Variants in ZFC3H1 observed in about 807,000 individuals in gnomAD.
The protein encoded by ZFC3H1 is zinc finger C3H1-type containing, also known as zinc finger C3H1 domain-containing protein.
In ZFC3H1, 71 loss-of-function variants were observed where a neutral mutation model predicts 243.7. That is an observed-to-expected ratio of 0.29 (90% CI 0.24 to 0.36). ZFC3H1 has a LOEUF of 0.36. Among genes scored for constraint, ZFC3H1 ranks in the 10% least tolerant of loss-of-function variants. The pLI is 1.00. For missense variants in ZFC3H1, 1,966 were observed against 2,317.1 expected (o/e 0.85, Z 3.11); for synonymous variants, 838 against 813.0 (o/e 1.03, Z -0.52).
rs1002647609 is a variant in ZFC3H1 at position 71,663,770 on chromosome 12, C to A, written c.-160G>T. On this transcript the variant is annotated 5_prime_UTR_variant, in exon 1 of 35. Coordinates refer to ENST00000378743, the MANE Select transcript of ZFC3H1 (RefSeq NM_144982.5). ...TCCCCAACTTCCCCGCACCCCAGCA[C>A]CCCAGCTCTCTCTCGCCGGACCGTC... 1 of 777,564 alleles carries A rather than the reference C, an allele frequency of 1.3e-6. No individual in the cohort carries two copies. Among genetic ancestry groups the A allele is most frequent in the Non-Finnish European group, 2.0e-6 (1 of 493,446 alleles). The allele number at this position is 777,564 out of a possible 1,614,324, so 48.2% of individuals were successfully genotyped here.
chr12:71,618,278 T>TA (rs35402725), intron 27 of ZFC3H1, among the ~76,000 whole-genome samples: 7,837 of 136,602 alleles, frequency 0.057, 215 homozygotes, highest in Non-Finnish European at 0.062. Flanking sequence ...AAAATAAAAT[T>TA]AAAAAAAAAA....
At position 71,637,064 on chromosome 12, in the gene ZFC3H1, T is replaced by C; in HGVS notation, c.1726-5A>G. 1 of 1,598,824 alleles carries C rather than the reference T, an allele frequency of 6.3e-7. No individual in the cohort carries two copies. Among genetic ancestry groups the C allele is most frequent in the Non-Finnish European group, 8.5e-7 (1 of 1,175,716 alleles). On this transcript the variant is annotated splice_region_variant and splice_polypyrimidine_tract_variant and intron_variant, in intron 7 of 34. Coordinates refer to ENST00000378743, the MANE Select transcript of ZFC3H1 (RefSeq NM_144982.5). ...CTGGCTCAAAGGTGGCAGAGACTAT[T>C]TTTTAAAAAAAGAAAGAATTACAAC... is the stretch of plus-strand genomic sequence containing the variant.
At chr12:71,621,302 CCTTTT>C (rs1880020006) in intron 24 of ZFC3H1, among the ~76,000 whole-genome samples, 1 of 129,022 alleles carries the variant, frequency 7.8e-6, no homozygotes, top group African/African-American at 2.6e-5. Flanking sequence ...AGGTCCACTT[CCTTTT>C]CTTTTTTTTT....
At chr12:71,654,482 C>T (rs1035300107) in intron 2 of ZFC3H1, among the ~76,000 whole-genome samples, 2 of 152,010 alleles carry the variant, frequency 1.3e-5, no homozygotes, top group Non-Finnish European at 2.9e-5. Context: ...ATATATAATT[C>T]CAGACATGAT....
chr12:71,663,842 G>A lies in ZFC3H1; in HGVS notation c.-232C>T, dbSNP rs1489818114. ...GCGCCCCCTTGCTCCTCAGCGATCG[G>A]GGTTCTTCCGCCTCGCGAGAAAGGG... is the stretch of plus-strand genomic sequence containing the variant. On this transcript the variant is annotated 5_prime_UTR_variant, in exon 1 of 35. Transcript: ENST00000378743. The A allele has an allele frequency of 1.4e-5, 8 of 567,602 alleles. No homozygotes were observed. Among genetic ancestry groups the A allele is most frequent in the South Asian group, 2.4e-5 (1 of 42,492 alleles). 35.2% of individuals were successfully genotyped at this position (567,602 alleles called of 1,614,324 possible). A position where few individuals can be genotyped will look rare whatever the true frequency, so the allele number is the denominator to read the frequency against.
At chr12:71,660,830 C>A (rs564804632) in intron 1 of ZFC3H1, among the ~76,000 whole-genome samples, 2 of 152,080 alleles carry the variant, frequency 1.3e-5, no homozygotes, top group South Asian at 4.1e-4. Flanking sequence ...TTAAAAAACA[C>A]ATATAAACTG....
At chr12:71,633,226 G>A (rs755583742) in intron 13 of ZFC3H1, 38 bp downstream of exon 13, 2 of 1,525,008 alleles carry the variant, frequency 1.3e-6, no homozygotes, top group Non-Finnish European at 1.8e-6. Flanking sequence ...ATAAAAATGT[G>A]TAGTAAACAG....
At chr12:71,657,470 T>C (rs1218402937) in intron 1 of ZFC3H1, among the ~76,000 whole-genome samples, 169 bp from the exon 2 acceptor site, 1 of 152,210 alleles carries the variant, frequency 6.6e-6, no homozygotes, top group African/African-American at 2.4e-5. Context: ...TAATGCCCAC[T>C]TTCATTACGT....
chr12:71,622,795 A>T (rs1473077497), intron 24 of ZFC3H1, among the ~76,000 whole-genome samples: 2 of 152,172 alleles, frequency 1.3e-5, no homozygotes, highest in Non-Finnish European at 2.9e-5. Flanking sequence ...TTTAGACTAT[A>T]TACTAACACA....
chr12:71,622,951 C>G (rs1297024520), intron 24 of ZFC3H1, among the ~76,000 whole-genome samples: 1 of 151,776 alleles, frequency 6.6e-6, no homozygotes, highest in Non-Finnish European at 1.5e-5. Context: ...GAGAAGCAAC[C>G]AAACTCACTG....
intron 2 of ZFC3H1, among the ~76,000 whole-genome samples, chr12:71,650,918 C>T (rs1004714750): frequency 5.3e-5 from 8 of 152,174 alleles, no homozygotes; most frequent in Non-Finnish European, 1.0e-4. Context: ...CATCTCTAAT[C>T]CCTTCTCTCC....
intron 1 of ZFC3H1, among the ~76,000 whole-genome samples, chr12:71,658,281 GATT>G (rs1881072708): frequency 8.0e-6 from 1 of 124,968 alleles, no homozygotes; most frequent in Non-Finnish European, 1.6e-5. Flanking sequence ...ATCATTTATA[GATT>G]TTTTTTTTTT....
In ZFC3H1 at chr12:71,623,591, A is replaced by G; in HGVS notation, c.4513T>C (p.Leu1505=). 1 of 1,603,942 alleles carries G rather than the reference A, an allele frequency of 6.2e-7. No homozygotes were observed. Residue 1505 remains leucine, a synonymous_variant, in exon 24 of 35, where the codon TTG becomes CTG. Coordinates refer to ENST00000378743, the MANE Select transcript of ZFC3H1 (RefSeq NM_144982.5). The stretch of plus-strand genomic sequence containing the variant: ...ACTATTCCATCATTAGCAGATTTCA[A>G]TGCATTCTAGGCAAAATTTAAAATT... ...QSALAILQNA[L]KSANDGIVAE... is the part of the protein sequence containing the mutation.
chr12:71,653,947 A>G (rs182353507), intron 2 of ZFC3H1, among the ~76,000 whole-genome samples: 1 of 152,336 alleles, frequency 6.6e-6, no homozygotes, highest in Admixed American at 6.5e-5. Context: ...CAGGAGGCGG[A>G]GGTTGCAATG....
intron 31 of ZFC3H1, among the ~76,000 whole-genome samples, chr12:71,612,181 A>G (rs959383120): frequency 1.3e-5 from 2 of 151,326 alleles, no homozygotes; most frequent in African/African-American, 2.4e-5. Flanking sequence ...TCCCACCCCA[A>G]TTTTTTTTTA....
chr12:71,613,432 T>C lies in ZFC3H1; in HGVS notation c.5530A>G (p.Ile1844Val), dbSNP rs1879821199. 1.2e-6 allele frequency: 2 copies of C among 1,603,552 alleles called. No individual in the cohort carries two copies. The highest frequency in any genetic ancestry group is 1.7e-6 in the Non-Finnish European group (2 of 1,173,900). ...WSNYEFHNRV[I>V]FFYLSCVPKT... ...GGAACACAGCTCAAATAAAAGAAAATAACCTGTAAAGGTTGAGGGGGGCGA... is the reference window on the plus strand; with the variant it reads ...GGAACACAGCTCAAATAAAAGAAAACAACCTGTAAAGGTTGAGGGGGGCGA... The change falls in exon 31 of 35, where the codon ATT becomes GTT. Residue 1844 changes from isoleucine (I) to valine (V), a missense_variant. This residue lies in a region of ZFC3H1 where 1,383 missense variants were observed against 1,723.7 expected (regional missense o/e 0.80). Transcript: ENST00000378743.
chr12:71,633,056 AC>A, intron 13 of ZFC3H1, 39 bp from the exon 14 acceptor site: 2 of 1,546,792 alleles, frequency 1.3e-6, no homozygotes, highest in Non-Finnish European at 1.7e-6. Context: ...GTAAATGAAA[AC>A]CTTAAAACAG....
Position 71,623,402 on chromosome 12 carries a change from C to T in ZFC3H1, c.4702G>A (p.Asp1568Asn). 1 of 1,613,410 alleles carries T rather than the reference C, an allele frequency of 6.2e-7. No homozygotes were observed. The highest frequency in any genetic ancestry group is 8.5e-7 in the Non-Finnish European group (1 of 1,179,750). The change falls in exon 24 of 35, where the codon GAT (aspartate) becomes AAT (asparagine). Residue 1568 changes from aspartate (D) to asparagine (N), a missense_variant. This residue lies in a region of ZFC3H1 where 1,383 missense variants were observed against 1,723.7 expected (regional missense o/e 0.80). Transcript: ENST00000378743. Reference protein sequence around the residue: ...SFVMPWQAVQDVKTNPDMLLA... With the variant: ...SFVMPWQAVQNVKTNPDMLLA... ...AACATGTCAGGATTAGTCTTTACAT[C>T]TTGAACAGCTTGCCATGGCATTACA... is the stretch of plus-strand genomic sequence containing the variant.
chr12:71,659,913 A>G (rs1434126683), intron 1 of ZFC3H1, among the ~76,000 whole-genome samples: 1 of 152,192 alleles, frequency 6.6e-6, no homozygotes, highest in Non-Finnish European at 1.5e-5. Context: ...GAAAGTTTAA[A>G]AGAGTAGTCA....
Sources: gnomAD v4.1 joint callset for allele counts (sites outside exome capture counted in the v4.1 genomes callset) on GRCh38, gnomAD v4.1.1 for gene constraint, gnomAD v4.1.1 regional missense constraint, MANE v1.5 for transcripts, NCBI Gene and HGNC (gene_info 2026-07-23, HGNC 2026-07-21) for gene names.